Variants in ANO6 observed in about 807,000 individuals in gnomAD.
ANO6 encodes anoctamin 6, also known as anoctamin-6.
A neutral mutation model predicts 117.5 loss-of-function variants in ANO6; 106 were observed. The observed-to-expected ratio is 0.90, with a 90% CI of 0.77 to 1.06. The LOEUF is 1.06. ANO6 is among the 50% of genes least tolerant of loss of function. The pLI is 0.00. For synonymous variants in ANO6, 367 were observed against 385.1 expected (o/e 0.95, Z 0.55); for missense variants, 955 against 1,121.1 (o/e 0.85, Z 2.12).
At chr12:45,237,671 T>G (rs1469450329) in intron 1 of ANO6, among the ~76,000 whole-genome samples, 1 of 152,230 alleles carries the variant, frequency 6.6e-6, no homozygotes, top group African/African-American at 2.4e-5. Flanking sequence ...GCCTCCAGCT[T>G]TGTTCTTTTG....
intron 1 of ANO6, among the ~76,000 whole-genome samples, chr12:45,298,954 G>A (rs976638380): frequency 6.6e-6 from 1 of 151,612 alleles, no homozygotes; most frequent in Non-Finnish European, 1.5e-5. Context: ...AAGATGCCAA[G>A]TCACTCCATC....
At chr12:45,398,734 T>C (rs1942699824) in intron 12 of ANO6, among the ~76,000 whole-genome samples, 1 of 152,128 alleles carries the variant, frequency 6.6e-6, no homozygotes, top group Admixed American at 6.5e-5. Context: ...CACATAAAAA[T>C]GCTTATGGTT....
chr12:45,390,402 T>C lies in ANO6; in HGVS notation c.1309-19T>C. ...CAGTAATCCCTTGATTGACTAAACT[T>C]TTTTGTTTTTGTAATTAGGAAGAAG... On this transcript the variant is annotated intron_variant, in intron 11 of 19. Coordinates refer to ENST00000320560, the MANE Select transcript of ANO6 (RefSeq NM_001025356.3). The C allele has an allele frequency of 6.2e-7, 1 of 1,604,314 alleles. No individual in the cohort carries two copies. The highest frequency in any genetic ancestry group is 8.5e-7 in the Non-Finnish European group (1 of 1,171,264).
intron 9 of ANO6, among the ~76,000 whole-genome samples, chr12:45,374,776 C>A (rs1391930909): frequency 2.6e-5 from 4 of 151,778 alleles, no homozygotes; most frequent in African/African-American, 9.7e-5. Context: ...TGGAAGCATT[C>A]CCTTTGAAAA....
At chr12:45,222,873 C>G (rs1419702421) in intron 1 of ANO6, among the ~76,000 whole-genome samples, 1 of 152,176 alleles carries the variant, frequency 6.6e-6, no homozygotes, top group African/African-American at 2.4e-5. Flanking sequence ...CTGGGTTTCC[C>G]CATTCAGTCT....
At chr12:45,306,707 T>A (rs371573131) in intron 2 of ANO6, among the ~76,000 whole-genome samples, 1 of 151,994 alleles carries the variant, frequency 6.6e-6, no homozygotes, top group Non-Finnish European at 1.5e-5. Context: ...ATCTACTATT[T>A]TAGGTGAAGA....
intron 1 of ANO6, among the ~76,000 whole-genome samples, chr12:45,237,847 T>A (rs1380660465): frequency 1.3e-5 from 2 of 152,218 alleles, no homozygotes; most frequent in Admixed American, 6.5e-5. Flanking sequence ...TGATTCTTCC[T>A]ACCCATGAGC....
chr12:45,274,601 G>A (rs1258500942), intron 1 of ANO6, among the ~76,000 whole-genome samples: 2 of 152,030 alleles, frequency 1.3e-5, no homozygotes, highest in African/African-American at 2.4e-5. Context: ...AACAGTCACA[G>A]TGATCCTTCT....
chr12:45,229,526 A>G (rs1350301437), intron 1 of ANO6, among the ~76,000 whole-genome samples: 1 of 150,990 alleles, frequency 6.6e-6, no homozygotes, highest in African/African-American at 2.4e-5. Flanking sequence ...AGTAGCTGGG[A>G]CTACAGGCGC....
intron 10 of ANO6, chr12:45,383,129 C>A: frequency 4.6e-6 from 1 of 217,042 alleles, no homozygotes. Context: ...CCTTTGTTGT[C>A]GTTTCAGTAA....
chr12:45,225,768 C>A (rs143697972), intron 1 of ANO6, among the ~76,000 whole-genome samples: 2 of 152,228 alleles, frequency 1.3e-5, no homozygotes, highest in East Asian at 3.9e-4. Context: ...GGATTACAGG[C>A]GTGAGACATT....
intron 1 of ANO6, among the ~76,000 whole-genome samples, chr12:45,220,312 A>G (rs936452469): frequency 3.4e-5 from 4 of 119,344 alleles, no homozygotes; most frequent in African/African-American, 1.6e-4. Context: ...ATGGTCATGT[A>G]TGTCATTGAG....
intron 10 of ANO6, among the ~76,000 whole-genome samples, chr12:45,378,483 T>C (rs1431507036): frequency 6.6e-6 from 1 of 152,106 alleles, no homozygotes; most frequent in African/African-American, 2.4e-5. Context: ...CTGGGAAGGC[T>C]TCTCTGCTCC....
chr12:45,232,242 A>T (rs549952274), intron 1 of ANO6, among the ~76,000 whole-genome samples: 1 of 152,330 alleles, frequency 6.6e-6, no homozygotes, highest in African/African-American at 2.4e-5. Context: ...ACAGAAATGC[A>T]TTCATTTACC....
chr12:45,379,478 T>C (rs560081964), intron 10 of ANO6, among the ~76,000 whole-genome samples: 3 of 152,214 alleles, frequency 2.0e-5, no homozygotes, highest in Non-Finnish European at 2.9e-5. Flanking sequence ...ATTGAATGTA[T>C]GTATTAAGAT....
At chr12:45,352,088 GT>G (rs1452111897) in intron 7 of ANO6, among the ~76,000 whole-genome samples, 1 of 152,024 alleles carries the variant, frequency 6.6e-6, no homozygotes. Flanking sequence ...CCACGTACCT[GT>G]TTTTTTATGG....
At chr12:45,435,999 AG>A (rs1005300274), downstream of ANO6, among the ~76,000 whole-genome samples, 6 of 152,202 alleles carry the variant, frequency 3.9e-5, no homozygotes, top group African/African-American at 1.4e-4. Context: ...CAATCAGCCC[AG>A]GAAGCCAGCC....
intron 1 of ANO6, among the ~76,000 whole-genome samples, chr12:45,219,503 A>ATTTT (rs59216107): frequency 2.5e-5 from 3 of 119,666 alleles, no homozygotes; most frequent in Non-Finnish European, 5.2e-5. Context: ...TGCCTGGCCA[A>ATTTT]TTTTTTTTTT....
At chr12:45,419,795 T>TAAAGA (rs1035787809) in intron 17 of ANO6, among the ~76,000 whole-genome samples, 10 of 152,204 alleles carry the variant, frequency 6.6e-5, no homozygotes, top group African/African-American at 2.4e-4. Flanking sequence ...AAGCCCAAAT[T>TAAAGA]AAAGAATTTT....
Sources: gnomAD v4.1 joint callset for allele counts (sites outside exome capture counted in the v4.1 genomes callset) on GRCh38, gnomAD v4.1.1 for gene constraint, MANE v1.5 for transcripts, NCBI Gene and HGNC (gene_info 2026-07-23, HGNC 2026-07-21) for gene names.